GPHN: variants seen among roughly 807,000 people sequenced by gnomAD.
GPHN encodes gephyrin.
In GPHN, 17 loss-of-function variants were observed where a neutral mutation model predicts 95.5. The ratio of observed to expected loss-of-function variants is 0.18; its 90% CI spans 0.12 to 0.27. GPHN has a LOEUF of 0.27. Among genes scored for constraint, GPHN ranks in the 10% least tolerant of loss-of-function variants. The pLI is 1.00. For missense variants in GPHN, 660 were observed against 978.1 expected (o/e 0.67, Z 4.34); for synonymous variants, 320 against 322.5 (o/e 0.99, Z 0.08).
intron 8 of GPHN, among the ~76,000 whole-genome samples, chr14:66,951,470 C>T (rs897110073): frequency 6.0e-5 from 9 of 149,074 alleles, no homozygotes; most frequent in Non-Finnish European, 8.9e-5. Flanking sequence ...AAGCCAAGAT[C>T]GCACCACTGC....
intron 1 of GPHN, among the ~76,000 whole-genome samples, chr14:66,527,883 C>T (rs1449247906): frequency 6.6e-6 from 1 of 152,008 alleles, no homozygotes; most frequent in Non-Finnish European, 1.5e-5. Context: ...GTTTTACTTC[C>T]AATTATATGG....
chr14:66,582,905 C>T (rs796111919), intron 1 of GPHN, among the ~76,000 whole-genome samples: 29 of 152,086 alleles, frequency 1.9e-4, no homozygotes, highest in East Asian at 5.8e-4. Context: ...TACCCAGTAA[C>T]GGGATGGCTG....
intron 1 of GPHN, among the ~76,000 whole-genome samples, chr14:66,522,644 T>C (rs2139827555): frequency 6.6e-6 from 1 of 152,284 alleles, no homozygotes; most frequent in African/African-American, 2.4e-5. Flanking sequence ...TGAAAATCTG[T>C]GTATGATTTT....
chr14:66,798,465 T>C (rs1258159016), intron 3 of GPHN, among the ~76,000 whole-genome samples: 2 of 151,916 alleles, frequency 1.3e-5, no homozygotes, highest in Non-Finnish European at 2.9e-5. Flanking sequence ...GGGAGATATT[T>C]TATTACAGCT....
At chr14:67,283,171 A>G in the GPHN span, among the ~76,000 whole-genome samples, 2 of 152,188 alleles carry the variant, frequency 1.3e-5, no homozygotes, top group Admixed American at 6.5e-5. Flanking sequence ...GGAAAAACAC[A>G]CCACGGGGAA....
chr14:67,522,255 G>A, the GPHN span, among the ~76,000 whole-genome samples: 1 of 152,158 alleles, frequency 6.6e-6, no homozygotes, highest in Non-Finnish European at 1.5e-5. Flanking sequence ...CCCCGTACCC[G>A]CTCCTCTCCC....
At chr14:66,682,086 A>G (rs1360537826) in intron 2 of GPHN, among the ~76,000 whole-genome samples, 3 of 152,204 alleles carry the variant, frequency 2.0e-5, no homozygotes, top group Non-Finnish European at 4.4e-5. Context: ...TGATTCTTTA[A>G]TGATTGACTA....
the GPHN span, among the ~76,000 whole-genome samples, chr14:67,432,512 C>T: frequency 6.6e-6 from 1 of 152,210 alleles, no homozygotes; most frequent in Non-Finnish European, 1.5e-5. Context: ...CTCTGAGACA[C>T]GTTTACAAGG....
intron 8 of GPHN, among the ~76,000 whole-genome samples, chr14:66,946,851 T>C (rs1296217426): frequency 6.6e-6 from 1 of 152,228 alleles, no homozygotes; most frequent in Non-Finnish European, 1.5e-5. Context: ...CACTTGGCAT[T>C]ATAAATTCCC....
At chr14:67,212,606 T>C in the GPHN span, among the ~76,000 whole-genome samples, 6 of 136,160 alleles carry the variant, frequency 4.4e-5, no homozygotes, top group Admixed American at 7.5e-5. Context: ...AAAATATATA[T>C]ATATATATGT....
intron 1 of GPHN, among the ~76,000 whole-genome samples, chr14:66,519,761 A>G (rs2058398389): frequency 6.6e-6 from 1 of 152,144 alleles, no homozygotes; most frequent in Non-Finnish European, 1.5e-5. Flanking sequence ...CATATTAGTG[A>G]AAATAATAGT....
the GPHN span, chr14:67,352,855 A>C: frequency 5.6e-6 from 6 of 1,076,546 alleles, no homozygotes; most frequent in Non-Finnish European, 8.0e-6. Context: ...AACAACAAAA[A>C]AAAAAATGCC....
chr14:67,177,875 C>T (rs2083087783), intron 21 of GPHN, among the ~76,000 whole-genome samples: 4 of 151,742 alleles, frequency 2.6e-5, no homozygotes. Flanking sequence ...TTATCAGAGA[C>T]TAGGATTGCA....
chr14:67,479,910 G>A, the GPHN span, among the ~76,000 whole-genome samples: 1 of 152,122 alleles, frequency 6.6e-6, no homozygotes, highest in Non-Finnish European at 1.5e-5. Context: ...AATATGGCCA[G>A]CTGGTTAAGT....
intron 1 of GPHN, among the ~76,000 whole-genome samples, chr14:66,604,176 G>A (rs1056126117): frequency 2.0e-5 from 3 of 152,062 alleles, no homozygotes; most frequent in African/African-American, 7.2e-5. Flanking sequence ...TTGTAGAGCT[G>A]CAAAGTATAG....
At chr14:67,143,328 G>C in intron 17 of GPHN, 34 bp from the exon 18 acceptor site, 1 of 1,344,252 alleles carries the variant, frequency 7.4e-7, no homozygotes, top group Non-Finnish European at 1.1e-6. Flanking sequence ...TCTTTTCCTT[G>C]TGTGTTAATT....
chr14:66,705,890 A>G (rs2069030960), intron 2 of GPHN, among the ~76,000 whole-genome samples: 1 of 152,152 alleles, frequency 6.6e-6, no homozygotes, highest in Admixed American at 6.6e-5. Context: ...GTTTGCAGAC[A>G]ATATGATTTT....
At chr14:67,394,426 T>C in the GPHN span, among the ~76,000 whole-genome samples, 3 of 151,584 alleles carry the variant, frequency 2.0e-5, no homozygotes, top group Non-Finnish European at 1.5e-5. Context: ...GCCCCAAGAG[T>C]GCACAGTAGC....
intron 1 of GPHN, among the ~76,000 whole-genome samples, chr14:66,650,436 T>C (rs911968269): frequency 2.6e-5 from 4 of 152,140 alleles, no homozygotes; most frequent in Non-Finnish European, 2.9e-5. Flanking sequence ...ACATGAAGAG[T>C]TGATCCTGCC....
Sources: allele counts gnomAD v4.1 joint callset (sites outside exome capture counted in the v4.1 genomes callset), GRCh38; gene constraint gnomAD v4.1.1; transcripts MANE v1.5; gene names NCBI Gene and HGNC (gene_info 2026-07-23, HGNC 2026-07-21).